Variants in MAGI1 observed in about 807,000 individuals in gnomAD.
MAGI1 encodes membrane associated guanylate kinase, WW and PDZ domain containing 1, also known as membrane-associated guanylate kinase, WW and PDZ domain-containing protein 1.
In MAGI1, 58 loss-of-function variants were observed where a neutral mutation model predicts 139.9. The ratio of observed to expected loss-of-function variants is 0.41; its 90% CI spans 0.34 to 0.52. The LOEUF is 0.52. MAGI1 is among the 20% of genes least tolerant of loss of function. The probability of loss-of-function intolerance (pLI) is 0.12; values close to 1 mark genes in which losing one functional copy is unlikely to be tolerated. For missense variants in MAGI1, 1,874 were observed against 1,901.6 expected (o/e 0.99, Z 0.27); for synonymous variants, 812 against 737.9 (o/e 1.10, Z -1.63).
At chr3:65,463,623 G>C (rs956555181) in intron 5 of MAGI1, among the ~76,000 whole-genome samples, 2 of 144,320 alleles carry the variant, frequency 1.4e-5, no homozygotes, top group East Asian at 4.9e-4. Context: ...TTTGGTATCA[G>C]GATGATGCTG....
intron 1 of MAGI1, among the ~76,000 whole-genome samples, chr3:65,999,565 G>GTCTTCC (rs540411334): frequency 1.3e-3 from 203 of 152,166 alleles, no homozygotes; most frequent in African/African-American, 4.6e-3. Context: ...AATAAAACAA[G>GTCTTCC]TCTATTTTAA....
chr3:66,015,292 T>C (rs538906598), intron 1 of MAGI1, among the ~76,000 whole-genome samples: 7 of 152,064 alleles, frequency 4.6e-5, no homozygotes, highest in African/African-American at 7.2e-5. Flanking sequence ...GCTTTGGATA[T>C]ATAAAAGACC....
chr3:65,675,357 G>C lies in MAGI1; in HGVS notation c.314-53269C>G, dbSNP rs535542803. Among the ~76,000 whole-genome samples, 4 of 152,268 alleles carry C rather than the reference G, an allele frequency of 2.6e-5. No homozygotes were observed. In the South Asian group the frequency reaches 8.3e-4, roughly 32 times the overall value. The stretch of plus-strand genomic sequence containing the variant: ...TGCCTAGAATAAATCAATTTGGAAA[G>C]CTGCAGTCATCAATCTCAAAGTAAT... On this transcript the variant is annotated intron_variant, in intron 1 of 22. Transcript: ENST00000402939.
intron 1 of MAGI1, among the ~76,000 whole-genome samples, chr3:65,957,514 T>C (rs2064185631): frequency 9.7e-6 from 1 of 102,978 alleles, no homozygotes; most frequent in Non-Finnish European, 1.8e-5. Context: ...GAGCAAGACT[T>C]CATCTCAAAA....
At chr3:65,757,915 T>C (rs1440905645) in intron 1 of MAGI1, among the ~76,000 whole-genome samples, 4 of 151,750 alleles carry the variant, frequency 2.6e-5, no homozygotes, top group Non-Finnish European at 5.9e-5. Context: ...CCTTAAACAA[T>C]AGAGACACAT....
At chr3:65,897,697 A>C (rs1018605188) in intron 1 of MAGI1, among the ~76,000 whole-genome samples, 4 of 151,970 alleles carry the variant, frequency 2.6e-5, no homozygotes, top group African/African-American at 9.7e-5. Context: ...TGTCTCCACA[A>C]AATTTTTTTT....
At chr3:65,813,228 C>T (rs1345942090) in intron 1 of MAGI1, among the ~76,000 whole-genome samples, 1 of 152,028 alleles carries the variant, frequency 6.6e-6, no homozygotes, top group African/African-American at 2.4e-5. Context: ...CGCCACACCC[C>T]CATTTCTCCC....
chr3:65,744,748 C>A (rs574393165), intron 1 of MAGI1, among the ~76,000 whole-genome samples: 1 of 151,934 alleles, frequency 6.6e-6, no homozygotes, highest in African/African-American at 2.4e-5. Flanking sequence ...ACAGTGAAAT[C>A]TCCGAGGGGT....
intron 1 of MAGI1, among the ~76,000 whole-genome samples, chr3:65,985,375 G>A (rs1560082923): frequency 6.6e-6 from 1 of 152,140 alleles, no homozygotes; most frequent in Non-Finnish European, 1.5e-5. Context: ...GATCATTTTG[G>A]TCATATGCAG....
At chr3:65,737,107 C>A (rs971318319) in intron 1 of MAGI1, among the ~76,000 whole-genome samples, 1 of 152,112 alleles carries the variant, frequency 6.6e-6, no homozygotes, top group Non-Finnish European at 1.5e-5. Flanking sequence ...TGGGTTCACA[C>A]CATTCTCCTG....
chr3:65,371,540 G>A (rs1941994290), intron 18 of MAGI1, among the ~76,000 whole-genome samples: 1 of 152,134 alleles, frequency 6.6e-6, no homozygotes, highest in African/African-American at 2.4e-5. Context: ...GCTGAAGGTT[G>A]GGTGGCTGTG....
intron 6 of MAGI1, among the ~76,000 whole-genome samples, chr3:65,451,451 A>G (rs528051066): frequency 6.6e-5 from 10 of 152,312 alleles, no homozygotes; most frequent in Non-Finnish European, 1.5e-4. Flanking sequence ...CAGGTTGAGT[A>G]GTCATTATCC....
intron 1 of MAGI1, among the ~76,000 whole-genome samples, chr3:65,827,768 G>A (rs1038779069): frequency 6.6e-6 from 1 of 152,312 alleles, no homozygotes; most frequent in Admixed American, 6.5e-5. Context: ...TTATTACAGA[G>A]AGGGATATTT....
chr3:66,010,499 G>T (rs1009022419), intron 1 of MAGI1, among the ~76,000 whole-genome samples: 2 of 152,174 alleles, frequency 1.3e-5, no homozygotes, highest in African/African-American at 4.8e-5. Flanking sequence ...ACTGCCTCTT[G>T]AAAGAATCTG....
intron 2 of MAGI1, chr3:65,597,914 A>AGGGG: frequency 3.3e-6 from 1 of 300,756 alleles, no homozygotes. Context: ...GGCTGTAAAG[A>AGGGG]GAGGCGGGGG....
intron 4 of MAGI1, among the ~76,000 whole-genome samples, chr3:65,473,639 C>CAAAAAA (rs35970775): frequency 5.7e-5 from 5 of 87,356 alleles, no homozygotes; most frequent in Admixed American, 1.4e-4. Flanking sequence ...TACATGTTTA[C>CAAAAAA]AAAAAAAAAA....
intron 1 of MAGI1, among the ~76,000 whole-genome samples, chr3:65,917,117 A>G (rs2108708924): frequency 6.6e-6 from 1 of 152,334 alleles, no homozygotes; most frequent in Non-Finnish European, 1.5e-5. Context: ...AGAAACATCT[A>G]GAAAGATACA....
chr3:65,956,957 A>G (rs1020310511), intron 1 of MAGI1, among the ~76,000 whole-genome samples: 15 of 152,140 alleles, frequency 9.9e-5, no homozygotes, highest in African/African-American at 2.7e-4. Context: ...AGCCAAGATC[A>G]CGTCACTGCA....
At position 65,615,022 on chromosome 3, in the gene MAGI1, C is replaced by CA. The variant is rs1294046769; in HGVS notation, c.430+6949dup. Among the ~76,000 whole-genome samples the CA allele has an allele frequency of 8.7e-3, 717 of 82,874 alleles. 5 individuals carry two copies. The highest frequency in any genetic ancestry group is 0.021 in the African/African-American group (460 of 21,856). 54.4% of individuals were successfully genotyped at this position (82,874 alleles called of 152,430 possible). A position where few individuals can be genotyped will look rare whatever the true frequency, so the allele number is the denominator to read the frequency against. ...GGGAGACAGAGTGAGACTGTGTCTC[C>CA]AAAAAAAAAAAAAGAAAGAAAGAAA... On this transcript the variant is annotated intron_variant, in intron 2 of 22. Transcript: ENST00000402939.
Sources: gnomAD v4.1 joint callset for allele counts (sites outside exome capture counted in the v4.1 genomes callset) on GRCh38, gnomAD v4.1.1 for gene constraint, MANE v1.5 for transcripts, NCBI Gene and HGNC (gene_info 2026-07-23, HGNC 2026-07-21) for gene names.